The following GALNTL6 variants were observed in gnomAD, a reference collection of about 807,000 sequenced individuals.
The protein encoded by GALNTL6 is polypeptide N-acetylgalactosaminyltransferase-like 6.
Under a neutral mutation model 73.7 loss-of-function variants are expected in GALNTL6, and 46 were observed. That is an observed-to-expected ratio of 0.62 (90% CI 0.49 to 0.80). GALNTL6 has a LOEUF of 0.80. Among genes scored for constraint, GALNTL6 ranks in the 30% least tolerant of loss-of-function variants. The pLI is 0.00. For synonymous variants in GALNTL6, 259 were observed against 263.7 expected (o/e 0.98, Z 0.17); for missense variants, 604 against 755.0 (o/e 0.80, Z 2.34).
At chr4:172,534,760 G>T (rs753827858) in intron 5 of GALNTL6, among the ~76,000 whole-genome samples, 48 of 152,034 alleles carry the variant, frequency 3.2e-4, no homozygotes, top group Non-Finnish European at 5.9e-4. Flanking sequence ...TAGAAACAGG[G>T]TTTCACCATG....
intron 2 of GALNTL6, among the ~76,000 whole-genome samples, chr4:172,111,889 C>T (rs868112435): frequency 2.0e-5 from 3 of 152,006 alleles, no homozygotes; most frequent in Non-Finnish European, 4.4e-5. Context: ...CATAGTGGTA[C>T]ATTTGTCATG....
At chr4:171,829,680 T>C (rs142226310) in intron 2 of GALNTL6, among the ~76,000 whole-genome samples, 3,393 of 152,238 alleles carry the variant, frequency 0.022, 71 homozygotes, top group Admixed American at 0.049. Flanking sequence ...TTTGATGTTA[T>C]ATCTTCTTTT....
chr4:171,855,377 G>A (rs1365572118), intron 2 of GALNTL6, among the ~76,000 whole-genome samples: 4 of 152,134 alleles, frequency 2.6e-5, no homozygotes, highest in Non-Finnish European at 4.4e-5. Context: ...ATTAGAGAAT[G>A]CAGCCTTTTC....
At chr4:172,288,251 C>A (rs1739335819) in intron 3 of GALNTL6, among the ~76,000 whole-genome samples, 1 of 151,972 alleles carries the variant, frequency 6.6e-6, no homozygotes, top group Non-Finnish European at 1.5e-5. Context: ...CCACCACGCC[C>A]AGCTAATTTT....
intron 4 of GALNTL6, among the ~76,000 whole-genome samples, chr4:172,329,596 A>C (rs1741057686): frequency 6.6e-6 from 1 of 152,076 alleles, no homozygotes; most frequent in Non-Finnish European, 1.5e-5. Flanking sequence ...CAGAGATCCC[A>C]CCCAGTGAGG....
At chr4:171,882,920 G>C (rs1228221417) in intron 2 of GALNTL6, among the ~76,000 whole-genome samples, 1 of 152,230 alleles carries the variant, frequency 6.6e-6, no homozygotes, top group Non-Finnish European at 1.5e-5. Context: ...TATCTTAACA[G>C]TAAATTGGTA....
At chr4:173,024,562 G>A (rs1254222981) in intron 12 of GALNTL6, among the ~76,000 whole-genome samples, 1 of 152,008 alleles carries the variant, frequency 6.6e-6, no homozygotes, top group Admixed American at 6.6e-5. Context: ...TTGGCTCTGG[G>A]GGCTTCTGGC....
intron 2 of GALNTL6, among the ~76,000 whole-genome samples, chr4:171,821,359 C>T (rs561388648): frequency 1.2e-4 from 18 of 152,180 alleles, no homozygotes; most frequent in Admixed American, 1.0e-3. Context: ...TTATTTCTGA[C>T]ATGTCTCCCC....
At chr4:172,195,451 G>T (rs1200622769) in intron 2 of GALNTL6, among the ~76,000 whole-genome samples, 1 of 152,078 alleles carries the variant, frequency 6.6e-6, no homozygotes, top group African/African-American at 2.4e-5. Flanking sequence ...GATATCTACA[G>T]AACTCTCCAC....
At chr4:171,984,126 G>T (rs1431956487) in intron 2 of GALNTL6, among the ~76,000 whole-genome samples, 1 of 152,098 alleles carries the variant, frequency 6.6e-6, no homozygotes, top group Non-Finnish European at 1.5e-5. Flanking sequence ...GTGGTTTTCA[G>T]GTGGTTGGAT....
At chr4:172,151,806 G>A (rs955850009) in intron 2 of GALNTL6, among the ~76,000 whole-genome samples, 8 of 151,910 alleles carry the variant, frequency 5.3e-5, no homozygotes, top group Admixed American at 4.6e-4. Flanking sequence ...CCCTACACTT[G>A]GGTAGCACAC....
chr4:172,210,777 A>G (rs1183184488), intron 2 of GALNTL6, among the ~76,000 whole-genome samples: 1 of 152,130 alleles, frequency 6.6e-6, no homozygotes, highest in African/African-American at 2.4e-5. Context: ...CGTTCCACCT[A>G]GTTGAGGGTG....
chr4:172,570,138 T>C (rs1343605265), intron 5 of GALNTL6, among the ~76,000 whole-genome samples: 1 of 152,156 alleles, frequency 6.6e-6, no homozygotes, highest in Admixed American at 6.5e-5. Context: ...GGCAGTTAAA[T>C]CTTGGACAAG....
At chr4:172,764,186 G>A (rs150640249) in intron 5 of GALNTL6, among the ~76,000 whole-genome samples, 241 of 152,282 alleles carry the variant, frequency 1.6e-3, no homozygotes, top group Admixed American at 5.6e-3. Context: ...TCAAACTCCC[G>A]ACCTCAGATG....
At chr4:172,165,246 A>G (rs747944300) in intron 2 of GALNTL6, among the ~76,000 whole-genome samples, 5 of 152,132 alleles carry the variant, frequency 3.3e-5, no homozygotes, top group Non-Finnish European at 7.4e-5. Context: ...GCAACCAATT[A>G]CGATATTATG....
At chr4:172,674,822 T>C (rs1032471124) in intron 5 of GALNTL6, among the ~76,000 whole-genome samples, 1 of 152,228 alleles carries the variant, frequency 6.6e-6, no homozygotes, top group African/African-American at 2.4e-5. Flanking sequence ...AGCTCTATCA[T>C]GTCAGTTTGC....
intron 2 of GALNTL6, among the ~76,000 whole-genome samples, chr4:172,019,966 A>G (rs1353486774): frequency 6.6e-6 from 1 of 152,172 alleles, no homozygotes; most frequent in Non-Finnish European, 1.5e-5. Context: ...AATATTAAGC[A>G]TCTTTTCTGA....
At chr4:172,874,253 T>G (rs1745080553) in intron 7 of GALNTL6, among the ~76,000 whole-genome samples, 1 of 152,124 alleles carries the variant, frequency 6.6e-6, no homozygotes, top group Non-Finnish European at 1.5e-5. Flanking sequence ...ATGGGAGAGA[T>G]AAGAGCCTGG....
At chr4:172,045,854 G>A (rs57810985) in intron 2 of GALNTL6, among the ~76,000 whole-genome samples, 15,127 of 151,606 alleles carry the variant, frequency 0.1, 836 homozygotes, top group African/African-American at 0.12. Flanking sequence ...TCATTCCCCT[G>A]GTCACGCCTC....
Sources: allele counts gnomAD v4.1 joint callset (sites outside exome capture counted in the v4.1 genomes callset), GRCh38; gene constraint gnomAD v4.1.1; transcripts MANE v1.5; gene names NCBI Gene and HGNC (gene_info 2026-07-23, HGNC 2026-07-21).